The following TBCK variants were observed in gnomAD, a reference collection of about 807,000 sequenced individuals.
The protein encoded by TBCK is TBC1 domain containing kinase.
Under a neutral mutation model 113.4 loss-of-function variants are expected in TBCK, and 99 were observed. That is an observed-to-expected ratio of 0.87 (90% CI 0.74 to 1.03). The LOEUF (loss-of-function observed/expected upper bound fraction) is 1.03, where lower values mean the gene tolerates loss of function less well. Ranked by LOEUF, TBCK falls within the 50% of genes least tolerant of loss-of-function variation. The probability of loss-of-function intolerance (pLI) is 0.00; values close to 1 mark genes in which losing one functional copy is unlikely to be tolerated. For synonymous variants in TBCK, 369 were observed against 370.8 expected (o/e 1.00, Z 0.05); for missense variants, 1,045 against 1,061.3 (o/e 0.98, Z 0.21).
chr4:106,220,326 C>CA (rs373211226), intron 19 of TBCK, among the ~76,000 whole-genome samples: 34 of 152,144 alleles, frequency 2.2e-4, no homozygotes, highest in African/African-American at 8.2e-4. Flanking sequence ...CTGCCGCTGC[C>CA]ATGTAAGAAG....
intron 25 of TBCK, among the ~76,000 whole-genome samples, chr4:106,050,972 CG>C (rs1734740599): frequency 1.3e-5 from 2 of 151,892 alleles, no homozygotes; most frequent in Non-Finnish European, 2.9e-5. Flanking sequence ...AAGGTTCTTG[CG>C]GGTGCCACTC....
At chr4:106,134,305 TG>T (rs1303035301) in intron 23 of TBCK, among the ~76,000 whole-genome samples, 1 of 151,864 alleles carries the variant, frequency 6.6e-6, no homozygotes, top group Non-Finnish European at 1.5e-5. Flanking sequence ...GCATATTCTG[TG>T]GTAATTATAA....
intron 7 of TBCK, 84 bp downstream of exon 7, chr4:106,250,334 C>T: frequency 1.1e-6 from 1 of 940,942 alleles, no homozygotes; most frequent in Non-Finnish European, 1.6e-6. Flanking sequence ...CTCACTATTT[C>T]AAAAGAACAC....
intron 19 of TBCK, among the ~76,000 whole-genome samples, chr4:106,217,448 T>C (rs530294117): frequency 1.4e-4 from 21 of 152,324 alleles, no homozygotes; most frequent in African/African-American, 4.8e-4. Context: ...GCAGATGACA[T>C]GATTGTATAT....
At chr4:106,284,131 G>T (rs115869394) in intron 3 of TBCK, among the ~76,000 whole-genome samples, 1 of 152,046 alleles carries the variant, frequency 6.6e-6, no homozygotes, top group African/African-American at 2.4e-5. Context: ...GAGAATTATA[G>T]ATCAGTTATA....
At chr4:106,067,707 G>C (rs192673010) in intron 25 of TBCK, among the ~76,000 whole-genome samples, 2 of 151,996 alleles carry the variant, frequency 1.3e-5, no homozygotes, top group Non-Finnish European at 2.9e-5. Flanking sequence ...CATTTTTTGC[G>C]TGTGGATATT....
chr4:106,193,188 A>G (rs1388922746), intron 22 of TBCK, among the ~76,000 whole-genome samples: 1 of 152,200 alleles, frequency 6.6e-6, no homozygotes, highest in Non-Finnish European at 1.5e-5. Context: ...TAAAATTGTT[A>G]GCAAGCAGCT....
intron 25 of TBCK, among the ~76,000 whole-genome samples, chr4:106,083,988 C>T (rs372635216): frequency 1.4e-4 from 21 of 152,274 alleles, no homozygotes; most frequent in Admixed American, 3.9e-4. Context: ...GGGAAAGAAT[C>T]AACAAAAAAA....
Position 106,174,608 on chromosome 4 carries a change from C to T in TBCK, c.2060-3338G>A, listed in dbSNP as rs190396343. ...GGCATTTGGTGGATCCCTGAGTAGT[C>T]CTTCAGTTACACAAAAAGTATGTTT... On this transcript the variant is annotated intron_variant, in intron 22 of 25. Coordinates refer to ENST00000394708, the MANE Select transcript of TBCK (RefSeq NM_001163435.3). 3.9e-5 allele frequency among the ~76,000 whole-genome samples: 6 copies of T among 152,110 alleles called. No homozygotes were observed. The East Asian group carries it at 1.2e-3, about 29-fold the overall frequency.
Position 106,051,129 on chromosome 4 carries a change from A to T in TBCK, c.2572-4449T>A, listed in dbSNP as rs192201386. Among the ~76,000 whole-genome samples the T allele has an allele frequency of 9.2e-5, 14 of 152,042 alleles. No homozygotes were observed. The East Asian group carries it at 2.3e-3, about 25-fold the overall frequency. On this transcript the variant is annotated intron_variant, in intron 25 of 25. Transcript: ENST00000394708. ...AGCCACAGAGTACTGTGGGTGAACTAAGGCCAAAAAATTAAAAGCTGATGA... is the reference window on the plus strand; with the variant it reads ...AGCCACAGAGTACTGTGGGTGAACTTAGGCCAAAAAATTAAAAGCTGATGA...
At chr4:106,072,059 T>C (rs950738996) in intron 25 of TBCK, among the ~76,000 whole-genome samples, 2 of 152,200 alleles carry the variant, frequency 1.3e-5, no homozygotes, top group African/African-American at 4.8e-5. Context: ...AATTTGCCAG[T>C]CTGTGTCTTT....
In TBCK at chr4:106,070,769, G is replaced by A. The variant is rs528226664; in HGVS notation, c.2572-24089C>T. On this transcript the variant is annotated intron_variant, in intron 25 of 25. Transcript: ENST00000394708. ...TAGAATTGGGCTGTGAATCCATCTG[G>A]TCCTCGACTTTTTTTGGTTGGTAGG... is the stretch of plus-strand genomic sequence containing the variant. Among the ~76,000 whole-genome samples, 12 of 152,196 alleles carry A rather than the reference G, an allele frequency of 7.9e-5. No individual in the cohort carries two copies. The South Asian group carries it at 2.5e-3, about 32-fold the overall frequency.
At chr4:106,257,737 C>T (rs1222222799) in intron 5 of TBCK, among the ~76,000 whole-genome samples, 1 of 151,952 alleles carries the variant, frequency 6.6e-6, no homozygotes, top group Non-Finnish European at 1.5e-5. Context: ...GTTATAATAC[C>T]TGTGTTCTAA....
chr4:106,144,424 C>A (rs1000205403), intron 23 of TBCK, among the ~76,000 whole-genome samples: 7 of 152,000 alleles, frequency 4.6e-5, no homozygotes, highest in African/African-American at 1.7e-4. Flanking sequence ...TCCTCATGTA[C>A]CCTCAATTAC....
rs530783598 is a variant in TBCK at position 106,084,695 on chromosome 4, G to C, written c.2571+10787C>G. ...CTGTTAAGAGCAGCCAGGGAAAAAG[G>C]CCAGGTAACCTACAAAGGGAAGCCC... On this transcript the variant is annotated intron_variant, in intron 25 of 25. Coordinates refer to ENST00000394708, the MANE Select transcript of TBCK (RefSeq NM_001163435.3). Among the ~76,000 whole-genome samples, 12 of 152,218 alleles carry C rather than the reference G, an allele frequency of 7.9e-5. No individual in the cohort carries two copies. In the South Asian group the frequency reaches 2.5e-3, roughly 32 times the overall value.
chr4:106,088,580 A>C (rs1739789115), intron 25 of TBCK, among the ~76,000 whole-genome samples: 1 of 152,230 alleles, frequency 6.6e-6, no homozygotes, highest in Non-Finnish European at 1.5e-5. Flanking sequence ...ATCTGGACCC[A>C]GCAATCCCAC....
chr4:106,251,729 G>A (rs1026353342), intron 6 of TBCK, 137 bp downstream of exon 6: 1 of 749,398 alleles, frequency 1.3e-6, no homozygotes. Flanking sequence ...ACATGATTAA[G>A]TCAAATTAAG....
At chr4:106,125,136 T>G (rs1462917992) in intron 23 of TBCK, among the ~76,000 whole-genome samples, 1 of 152,026 alleles carries the variant, frequency 6.6e-6, no homozygotes, top group Non-Finnish European at 1.5e-5. Flanking sequence ...GGAATGTAAA[T>G]TAGTATAGCC....
intron 25 of TBCK, among the ~76,000 whole-genome samples, chr4:106,048,239 A>C (rs1292635991): frequency 6.6e-6 from 1 of 152,158 alleles, no homozygotes; most frequent in African/African-American, 2.4e-5. Context: ...TGGAATAAAT[A>C]ATGCTGGACT....
Sources: gnomAD v4.1 joint callset for allele counts (sites outside exome capture counted in the v4.1 genomes callset) on GRCh38, gnomAD v4.1.1 for gene constraint, MANE v1.5 for transcripts, NCBI Gene and HGNC (gene_info 2026-07-23, HGNC 2026-07-21) for gene names.